Variants in JMY observed in about 807,000 individuals in gnomAD.
The protein encoded by JMY is junction mediating and regulatory protein, p53 cofactor.
JMY carries 46 observed loss-of-function variants against 103.3 expected under a neutral mutation model. The observed-to-expected ratio is 0.45, with a 90% CI of 0.35 to 0.57. The LOEUF is 0.57. Ranked by LOEUF, JMY falls within the 20% of genes least tolerant of loss-of-function variation. JMY has a pLI of 0.00. For synonymous variants in JMY, 526 were observed against 489.3 expected (o/e 1.07, Z -0.99); for missense variants, 1,238 against 1,255.2 (o/e 0.99, Z 0.21).
At position 79,314,733 on chromosome 5, in the gene JMY, T is replaced by C. The variant is rs1198329715; in HGVS notation, c.2541T>C (p.Asn847=). Residue 847 remains asparagine (N), a synonymous_variant, in exon 9 of 11, where the codon AAT becomes AAC. Coordinates refer to ENST00000396137, the MANE Select transcript of JMY (RefSeq NM_152405.5). ...AAGATCTGCCTAGAAAGGAGGGGAA[T>C]GAGAAGAGGATCCCAAAGTCAGCCA... ...LEKDLPRKEG[N]EKRIPKSASA... 1.9e-6 allele frequency: 3 copies of C among 1,601,588 alleles called. No individual in the cohort carries two copies. Among genetic ancestry groups the C allele is most frequent in the Admixed American group, 3.5e-5 (2 of 57,916 alleles).
chr5:79,252,915 T>C (rs1009507563), intron 1 of JMY, among the ~76,000 whole-genome samples: 5 of 152,222 alleles, frequency 3.3e-5, no homozygotes, highest in African/African-American at 1.2e-4. Context: ...TTAGTCCATT[T>C]GCATTCAGTG....
chr5:79,297,726 C>T (rs1746604778), intron 4 of JMY, among the ~76,000 whole-genome samples: 2 of 152,158 alleles, frequency 1.3e-5, no homozygotes, highest in Non-Finnish European at 2.9e-5. Flanking sequence ...TTTGTCCTTT[C>T]AGAGGTTGGG....
rs190623788 is a variant in JMY at position 79,294,542 on chromosome 5, C to T, written c.1527+3243C>T. ...CCAGAAAACCCTTTAGATTCCAATT[C>T]GTGTGGCTGAAAGACTTTAAAAAGT... On this transcript the variant is annotated intron_variant, in intron 4 of 10. Transcript: ENST00000396137. 7.6e-3 allele frequency among the ~76,000 whole-genome samples: 1,156 copies of T among 152,202 alleles called. 6 individuals are homozygous for T. The highest frequency in any genetic ancestry group is 0.013 in the Non-Finnish European group (882 of 68,020).
At chr5:79,247,967 A>T (rs1047602317) in intron 1 of JMY, among the ~76,000 whole-genome samples, 1 of 151,246 alleles carries the variant, frequency 6.6e-6, no homozygotes, top group Non-Finnish European at 1.5e-5. Context: ...ATCTTGGCTC[A>T]CTGCAACCTC....
intron 10 of JMY, among the ~76,000 whole-genome samples, chr5:79,317,280 CATT>C (rs1421761078): frequency 2.0e-5 from 3 of 151,994 alleles, no homozygotes; most frequent in African/African-American, 7.2e-5. Flanking sequence ...TTGCAGGTAT[CATT>C]AATATATAAA....
At chr5:79,254,231 A>G (rs1459788335) in intron 1 of JMY, among the ~76,000 whole-genome samples, 2 of 151,838 alleles carry the variant, frequency 1.3e-5, no homozygotes, top group East Asian at 3.9e-4. Flanking sequence ...TGCTGGGATT[A>G]CAGGCATGAG....
At chr5:79,306,782 C>A (rs917799284) in intron 7 of JMY, among the ~76,000 whole-genome samples, 1 of 152,090 alleles carries the variant, frequency 6.6e-6, no homozygotes, top group African/African-American at 2.4e-5. Flanking sequence ...TCCCCAAAAT[C>A]TGTTGCTTAT....
Position 79,282,487 on chromosome 5 carries a change from TAC to T in JMY, c.1206+4409_1206+4410del, listed in dbSNP as rs764487406. On this transcript the variant is annotated intron_variant, in intron 2 of 10. Transcript: ENST00000396137. ...TAAAAAAAGTTAAATGTGAAGAATG[TAC>T]ACACTTATATAAGAAGCACACAAAA... is the stretch of plus-strand genomic sequence containing the variant. Among the ~76,000 whole-genome samples, 3 of 152,204 alleles carry T rather than the reference TAC, an allele frequency of 2.0e-5. No homozygotes were observed. The East Asian group carries it at 5.8e-4, about 29-fold the overall frequency.
chr5:79,274,062 C>A (rs189508719), intron 1 of JMY, among the ~76,000 whole-genome samples: 17 of 152,264 alleles, frequency 1.1e-4, no homozygotes, highest in African/African-American at 3.4e-4. Flanking sequence ...ATCTCCTGAC[C>A]TCGTGATCTG....
intron 1 of JMY, among the ~76,000 whole-genome samples, chr5:79,270,469 GTATATTTACATAAATATTTACATAAAATA>G (rs1745726354): frequency 7.1e-5 from 4 of 56,120 alleles, no homozygotes; most frequent in South Asian, 9.9e-4. Flanking sequence ...TATTTAAAAT[GTATATTTACATAAATATTTACATAAAATA>G]TATATTTACA....
intron 1 of JMY, among the ~76,000 whole-genome samples, chr5:79,274,266 ATTC>A (rs1352221941): frequency 1.3e-5 from 2 of 151,988 alleles, no homozygotes; most frequent in Non-Finnish European, 2.9e-5. Context: ...TTTCCTGTTT[ATTC>A]TTGTTGAGTG....
intron 1 of JMY, among the ~76,000 whole-genome samples, chr5:79,238,825 C>G (rs1744644909): frequency 6.6e-6 from 1 of 151,816 alleles, no homozygotes; most frequent in Admixed American, 6.6e-5. Flanking sequence ...CACGTTAGCC[C>G]GGCTACTTTT....
At chr5:79,277,654 A>G (rs1745979369) in intron 1 of JMY, among the ~76,000 whole-genome samples, 2 of 151,878 alleles carry the variant, frequency 1.3e-5, no homozygotes, top group Non-Finnish European at 2.9e-5. Flanking sequence ...CAAAAAAAAA[A>G]GGAAAATAAA....
chr5:79,237,346 GT>G lies in JMY; in HGVS notation c.700del (p.Ser234LeufsTer15). 6.2e-7 allele frequency: 1 copy of G among 1,608,532 alleles called. No individual in the cohort carries two copies. The highest frequency in any genetic ancestry group is 8.5e-7 in the Non-Finnish European group (1 of 1,177,962). ...CCGAAGAGTGCAGCTGGGCCGGACT[GT>G]TTTCTTTCCAGGACCTGCGCGCCGT... Reference protein sequence around the residue: ...PAEECSWAGLFSFQDLRAVHQ... With the variant: ...PAEECSWAGLXSFQDLRAVHQ... On this transcript the variant is annotated frameshift_variant, in exon 1 of 11. Coordinates refer to ENST00000396137, the MANE Select transcript of JMY (RefSeq NM_152405.5). LOFTEE classifies it high-confidence loss of function.
chr5:79,250,284 C>T (rs937381539), intron 1 of JMY, among the ~76,000 whole-genome samples: 4 of 152,208 alleles, frequency 2.6e-5, no homozygotes, highest in Non-Finnish European at 5.9e-5. Context: ...ATAGGAACTC[C>T]TAGTACGTGC....
At chr5:79,273,820 T>C (rs1745853349) in intron 1 of JMY, among the ~76,000 whole-genome samples, 1 of 151,996 alleles carries the variant, frequency 6.6e-6, no homozygotes, top group Admixed American at 6.6e-5. Context: ...TGAGGCTTTC[T>C]TTTTTGTTTT....
Position 79,236,674 on chromosome 5 carries a change from G to C in JMY, c.24G>C (p.Thr8=). Residue 8 remains threonine (T), a synonymous_variant, in exon 1 of 11, where the codon ACG becomes ACC. Transcript: ENST00000396137. MSFALEE[T]LESDWVAVRP... ...CCATGTCGTTCGCGCTGGAGGAGAC[G>C]CTCGAGTCGGACTGGGTGGCTGTGC... The C allele has an allele frequency of 6.8e-7, 1 of 1,473,900 alleles. No homozygotes were observed. The highest frequency in any genetic ancestry group is 9.0e-7 in the Non-Finnish European group (1 of 1,106,362). The allele number at this position is 1,473,900 out of a possible 1,614,324, so 91.3% of individuals were successfully genotyped here. A position where few individuals can be genotyped will look rare whatever the true frequency, so the allele number is the denominator to read the frequency against.
Position 79,314,362 on chromosome 5 carries a change from T to C in JMY, c.2170T>C (p.Leu724=). The change falls in exon 9 of 11, where the codon TTA becomes CTA. Residue 724 remains leucine (L), a synonymous_variant. Transcript: ENST00000396137. ...PVLQEDHCDS[L]PSVLQVEEKT... ...TCTCCAAGAGGATCATTGTGACTCT[T>C]TACCAAGTGTGTTACAGGTAGAAGA... The C allele has an allele frequency of 6.2e-7, 1 of 1,614,122 alleles. No homozygotes were observed. The highest frequency in any genetic ancestry group is 1.3e-5 in the African/African-American group (1 of 75,016).
intron 4 of JMY, among the ~76,000 whole-genome samples, chr5:79,296,005 C>T (rs1468573882): frequency 1.3e-5 from 2 of 152,150 alleles, no homozygotes; most frequent in Non-Finnish European, 2.9e-5. Flanking sequence ...TTGTTAAATT[C>T]TCAAACATAA....
Sources: gnomAD v4.1 joint callset for allele counts (sites outside exome capture counted in the v4.1 genomes callset) on GRCh38, gnomAD v4.1.1 for gene constraint, MANE v1.5 for transcripts, NCBI Gene and HGNC (gene_info 2026-07-23, HGNC 2026-07-21) for gene names.